Variants in GALNTL6 observed in about 807,000 individuals in gnomAD.
GALNTL6 encodes polypeptide N-acetylgalactosaminyltransferase-like 6.
A neutral mutation model predicts 73.7 loss-of-function variants in GALNTL6; 46 were observed. The ratio of observed to expected loss-of-function variants is 0.62; its 90% CI spans 0.49 to 0.80. The LOEUF is 0.80. Ranked by LOEUF, GALNTL6 falls within the 30% of genes least tolerant of loss-of-function variation. GALNTL6 has a pLI of 0.00. For missense variants in GALNTL6, 604 were observed against 755.0 expected (o/e 0.80, Z 2.34); for synonymous variants, 259 against 263.7 (o/e 0.98, Z 0.17).
intron 2 of GALNTL6, among the ~76,000 whole-genome samples, chr4:171,868,409 C>T (rs1380398002): frequency 6.6e-6 from 1 of 152,134 alleles, no homozygotes; most frequent in Non-Finnish European, 1.5e-5. Context: ...ATTCCAAACT[C>T]TTGAAATCCT....
chr4:172,813,432 G>T (rs936771249), intron 6 of GALNTL6, 108 bp from the exon 7 acceptor site: 1 of 826,856 alleles, frequency 1.2e-6, no homozygotes, highest in Non-Finnish European at 1.9e-6. Flanking sequence ...GGGAGCCACG[G>T]CTGCAAGCAT....
chr4:171,974,696 ATTAC>A (rs550369368), intron 2 of GALNTL6, among the ~76,000 whole-genome samples: 18 of 152,198 alleles, frequency 1.2e-4, no homozygotes, highest in Non-Finnish European at 1.0e-4. Flanking sequence ...ATACAAGACA[ATTAC>A]TTAAGCATAC....
chr4:172,391,484 G>T (rs778658047), intron 5 of GALNTL6, among the ~76,000 whole-genome samples: 3 of 152,170 alleles, frequency 2.0e-5, no homozygotes, highest in Non-Finnish European at 4.4e-5. Flanking sequence ...GAAATTACAG[G>T]TGTGAGCCAC....
At chr4:172,892,690 T>C (rs962662151) in intron 8 of GALNTL6, among the ~76,000 whole-genome samples, 2 of 151,662 alleles carry the variant, frequency 1.3e-5, no homozygotes, top group Non-Finnish European at 2.9e-5. Flanking sequence ...CCATATGCCC[T>C]TACTCTTAAG....
At chr4:172,993,904 A>G (rs2126461676) in intron 10 of GALNTL6, among the ~76,000 whole-genome samples, 1 of 152,306 alleles carries the variant, frequency 6.6e-6, no homozygotes, top group South Asian at 2.1e-4. Flanking sequence ...CCTGGGCAAC[A>G]GCAGAGAAAC....
chr4:172,064,727 T>A (rs758878490), intron 2 of GALNTL6, among the ~76,000 whole-genome samples: 2 of 152,176 alleles, frequency 1.3e-5, no homozygotes, highest in Non-Finnish European at 2.9e-5. Flanking sequence ...AGAAATCAGA[T>A]GGGTTTATTC....
intron 3 of GALNTL6, among the ~76,000 whole-genome samples, chr4:172,293,205 T>C (rs570356681): frequency 1.1e-4 from 17 of 152,190 alleles, no homozygotes; most frequent in Non-Finnish European, 2.2e-4. Flanking sequence ...GTTTTTATCC[T>C]TGGATGACAA....
At chr4:171,952,248 G>A (rs1738906878) in intron 2 of GALNTL6, among the ~76,000 whole-genome samples, 2 of 151,716 alleles carry the variant, frequency 1.3e-5, no homozygotes, top group South Asian at 2.1e-4. Context: ...TTAAAACGGA[G>A]TCAAAAAGAG....
intron 5 of GALNTL6, among the ~76,000 whole-genome samples, chr4:172,756,379 C>T (rs978493953): frequency 3.9e-5 from 6 of 152,202 alleles, no homozygotes; most frequent in African/African-American, 1.2e-4. Flanking sequence ...CGCTGTGGCT[C>T]ACGCCTGTAA....
intron 5 of GALNTL6, among the ~76,000 whole-genome samples, chr4:172,630,015 G>C (rs1226921909): frequency 2.0e-5 from 3 of 152,108 alleles, no homozygotes; most frequent in East Asian, 3.9e-4. Flanking sequence ...TAGTTAACTA[G>C]AGAATTCAGT....
At chr4:172,464,323 T>G (rs1402703598) in intron 5 of GALNTL6, among the ~76,000 whole-genome samples, 1 of 152,142 alleles carries the variant, frequency 6.6e-6, no homozygotes, top group Non-Finnish European at 1.5e-5. Flanking sequence ...TATTGAGAAT[T>G]TATTATGCAC....
At chr4:172,458,948 G>A (rs187473326) in intron 5 of GALNTL6, among the ~76,000 whole-genome samples, 6 of 152,094 alleles carry the variant, frequency 3.9e-5, no homozygotes, top group African/African-American at 1.4e-4. Context: ...GATGAATATC[G>A]ATGTGAAAAT....
At chr4:172,005,951 C>T (rs1384380025) in intron 2 of GALNTL6, among the ~76,000 whole-genome samples, 1 of 152,150 alleles carries the variant, frequency 6.6e-6, no homozygotes, top group East Asian at 1.9e-4. Flanking sequence ...ATAAGATGCA[C>T]ATCTCTGAAA....
At chr4:172,167,276 A>G (rs7663336) in intron 2 of GALNTL6, among the ~76,000 whole-genome samples, 68,916 of 152,042 alleles carry the variant, frequency 0.45, 16,508 homozygotes, top group African/African-American at 0.6. Flanking sequence ...ACGGGGACCC[A>G]TTAGCTGTTG....
At chr4:172,249,268 GC>G (rs1737768081) in intron 3 of GALNTL6, among the ~76,000 whole-genome samples, 1 of 152,184 alleles carries the variant, frequency 6.6e-6, no homozygotes, top group Non-Finnish European at 1.5e-5. Flanking sequence ...GCAGCATTTG[GC>G]CCTTGCCCTA....
chr4:172,155,271 T>A (rs1288653327), intron 2 of GALNTL6, among the ~76,000 whole-genome samples: 1 of 152,192 alleles, frequency 6.6e-6, no homozygotes. Flanking sequence ...GTGCTGGCAT[T>A]ACAGGCGTGA....
At position 171,828,669 on chromosome 4, in the gene GALNTL6, G is replaced by T. The variant is rs1560804214; in HGVS notation, c.138+13951G>T. ...GAGTCTCCCTCCATCGCCCAGGCTG[G>T]AGTGCAGTGGCTCAATCTCTGCTTA... On this transcript the variant is annotated intron_variant, in intron 2 of 12. Coordinates refer to ENST00000506823, the MANE Select transcript of GALNTL6 (RefSeq NM_001034845.3). 2.6e-5 allele frequency among the ~76,000 whole-genome samples: 4 copies of T among 152,098 alleles called. No individual in the cohort carries two copies. The South Asian group carries it at 8.3e-4, about 32-fold the overall frequency.
At chr4:172,677,240 C>A (rs1417784698) in intron 5 of GALNTL6, among the ~76,000 whole-genome samples, 1 of 152,110 alleles carries the variant, frequency 6.6e-6, no homozygotes, top group Non-Finnish European at 1.5e-5. Flanking sequence ...GTTCATGATT[C>A]TACATGTTAA....
chr4:172,503,540 ATATATATATG>A (rs920023073), intron 5 of GALNTL6, among the ~76,000 whole-genome samples: 10 of 97,052 alleles, frequency 1.0e-4, no homozygotes, highest in African/African-American at 2.3e-4. Flanking sequence ...ATATATATAT[ATATATATATG>A]TATTAGTTTT....
Sources: gnomAD v4.1 joint callset for allele counts (sites outside exome capture counted in the v4.1 genomes callset) on GRCh38, gnomAD v4.1.1 for gene constraint, MANE v1.5 for transcripts, NCBI Gene and HGNC (gene_info 2026-07-23, HGNC 2026-07-21) for gene names.